RAB23: variants seen among roughly 807,000 people sequenced by gnomAD.
RAB23 encodes the protein RAB23, member RAS oncogene family.
A neutral mutation model predicts 30.0 loss-of-function variants in RAB23; 15 were observed. The observed-to-expected ratio is 0.50, with a 90% CI of 0.33 to 0.77. RAB23 has a LOEUF of 0.77. Among genes scored for constraint, RAB23 ranks in the 30% least tolerant of loss-of-function variants. The pLI is 0.02. For synonymous variants in RAB23, 93 were observed against 94.0 expected (o/e 0.99, Z 0.06); for missense variants, 243 against 275.4 (o/e 0.88, Z 0.83).
Position 57,190,524 on chromosome 6 carries a change from A to G in RAB23, c.651T>C (p.Leu217=). ...GTLNGGDVIN[L]RPNKQRTKKN... ...TCTTGGTCCTTTGTTTGTTGGGTCT[A>G]AGATTGATGACATCTCCACCATTGA... is the stretch of plus-strand genomic sequence containing the variant. Residue 217 remains leucine, a synonymous_variant, in exon 7 of 7, where the codon CTT becomes CTC. Coordinates refer to ENST00000468148, the MANE Select transcript of RAB23 (RefSeq NM_016277.5). 1 of 1,614,044 alleles carries G rather than the reference A, an allele frequency of 6.2e-7. No individual in the cohort carries two copies. The highest frequency in any genetic ancestry group is 8.5e-7 in the Non-Finnish European group (1 of 1,179,906).
chr6:57,196,329 A>G, intron 4 of RAB23, 121 bp downstream of exon 4: 1 of 1,188,750 alleles, frequency 8.4e-7, no homozygotes, highest in Non-Finnish European at 1.2e-6. Context: ...TATTTAAGTC[A>G]TTAAAGCCTT....
At chr6:57,194,364 A>C (rs1005213894) in intron 5 of RAB23, among the ~76,000 whole-genome samples, 1 of 152,076 alleles carries the variant, frequency 6.6e-6, no homozygotes, top group Non-Finnish European at 1.5e-5. Flanking sequence ...TTCTAATTTC[A>C]CTTTCTTAAA....
Position 57,194,843 on chromosome 6 carries a change from A to G in RAB23, c.408T>C (p.Ala136=), listed in dbSNP as rs757223201. 1 of 1,613,080 alleles carries G rather than the reference A, an allele frequency of 6.2e-7. No homozygotes were observed. Among genetic ancestry groups the G allele is most frequent in the South Asian group, 1.1e-5 (1 of 91,022 alleles). ...LDDSCIKNEE[A]EALAKRLKLR... Reference sequence around the variant, plus strand: ...ACTTTAACCTTTTTGCCAGTGCCTCAGCTTCCTCACTGCACATCAATTTAA... The same window carrying G: ...ACTTTAACCTTTTTGCCAGTGCCTCGGCTTCCTCACTGCACATCAATTTAA... Residue 136 remains alanine (A), a synonymous_variant, in exon 5 of 7, where the codon GCT becomes GCC. Transcript: ENST00000468148.
At chr6:57,206,032 G>A (rs2128002106) in intron 3 of RAB23, among the ~76,000 whole-genome samples, 1 of 152,290 alleles carries the variant, frequency 6.6e-6, no homozygotes, top group South Asian at 2.1e-4. Context: ...TACTCATTAA[G>A]GTTATGTGAT....
In RAB23 at chr6:57,190,509, T is replaced by C. The variant is rs1457431181; in HGVS notation, c.666A>G (p.Gln222=). The C allele has an allele frequency of 1.2e-6, 2 of 1,613,958 alleles. No individual in the cohort carries two copies. Among genetic ancestry groups the C allele is most frequent in the Non-Finnish European group, 1.7e-6 (2 of 1,179,952 alleles). Residue 222 remains glutamine (Q), a synonymous_variant, in exon 7 of 7, where the codon CAA becomes CAG. Coordinates refer to ENST00000468148, the MANE Select transcript of RAB23 (RefSeq NM_016277.5). ...GDVINLRPNK[Q]RTKKNRNPFS... ...AAGGATTTCTGTTTTTCTTGGTCCT[T>C]TGTTTGTTGGGTCTAAGATTGATGA...
chr6:57,221,316 T>C (rs1214354694), intron 1 of RAB23: 1 of 152,246 alleles, frequency 6.6e-6, no homozygotes, highest in African/African-American at 2.4e-5. Flanking sequence ...ATGAAGTTCT[T>C]ACTCTCACAC....
rs1764670497 is a variant in RAB23 at position 57,187,930 on chromosome 6, T to TAACTA, written c.*2526_*2530dup. The TAACTA allele has an allele frequency of 6.6e-6, 1 of 152,020 alleles. No homozygotes were observed. The highest frequency in any genetic ancestry group is 2.4e-5 in the African/African-American group (1 of 41,438). The allele number at this position is 152,020 out of a possible 1,614,324, so 9.4% of individuals were successfully genotyped here. ...GGAAATCATTTAACCTGGTTTTATTTAACTATATTGCCTTATATGGGTCAT... is the reference window on the plus strand; with the variant it reads ...GGAAATCATTTAACCTGGTTTTATTTAACTAAACTATATTGCCTTATATGGGTCAT... On this transcript the variant is annotated 3_prime_UTR_variant, in exon 7 of 7. Coordinates refer to ENST00000468148, the MANE Select transcript of RAB23 (RefSeq NM_016277.5).
intron 5 of RAB23, 44 bp from the exon 6 acceptor site, chr6:57,193,978 G>A: frequency 1.3e-6 from 2 of 1,587,584 alleles, no homozygotes; most frequent in South Asian, 2.3e-5. Flanking sequence ...AATGATTTAT[G>A]CATGTAAATC....
At chr6:57,208,938 C>T (rs891803246) in intron 2 of RAB23, among the ~76,000 whole-genome samples, 8 of 152,100 alleles carry the variant, frequency 5.3e-5, no homozygotes, top group Admixed American at 2.6e-4. Flanking sequence ...ACTGAATTCA[C>T]GACCAACAGC....
chr6:57,207,860 G>A, intron 2 of RAB23, 147 bp from the exon 3 acceptor site: 4 of 617,378 alleles, frequency 6.5e-6, no homozygotes, highest in Non-Finnish European at 1.1e-5. Context: ...TAAACCTACT[G>A]GGGGTTACAT....
chr6:57,188,054 C>CAA lies in RAB23; in HGVS notation c.*2405_*2406dup, dbSNP rs1472932709. The CAA allele has an allele frequency of 6.6e-6, 1 of 151,996 alleles. No homozygotes were observed. Among genetic ancestry groups the CAA allele is most frequent in the African/African-American group, 2.4e-5 (1 of 41,374 alleles). 9.4% of individuals were successfully genotyped at this position (151,996 alleles called of 1,614,324 possible). On this transcript the variant is annotated 3_prime_UTR_variant, in exon 7 of 7. Coordinates refer to ENST00000468148, the MANE Select transcript of RAB23 (RefSeq NM_016277.5). ...GTTATTCCACAGCGATATGTCTACG[C>CAA]AAAAGATTAGCCGTAATGTTAAAAA...
chr6:57,216,969 T>C (rs1765864908), intron 1 of RAB23, among the ~76,000 whole-genome samples: 1 of 152,220 alleles, frequency 6.6e-6, no homozygotes, highest in Non-Finnish European at 1.5e-5. Context: ...CCAGCTTCTT[T>C]ACTGCATCCT....
chr6:57,221,230 G>A (rs375026567), intron 1 of RAB23: 1 of 152,214 alleles, frequency 6.6e-6, no homozygotes, highest in East Asian at 1.9e-4. Context: ...TTACCTAGAT[G>A]TTAGGAGATA....
chr6:57,210,579 A>G, intron 1 of RAB23, 134 bp from the exon 2 acceptor site: 1 of 634,266 alleles, frequency 1.6e-6, no homozygotes, highest in Non-Finnish European at 2.7e-6. Flanking sequence ...CTCTCTTTAG[A>G]TAATGTAAAC....
chr6:57,220,252 C>T (rs1278120055), intron 1 of RAB23, among the ~76,000 whole-genome samples: 1 of 152,044 alleles, frequency 6.6e-6, no homozygotes, highest in Non-Finnish European at 1.5e-5. Flanking sequence ...AAAACTGACA[C>T]TATCAAATGC....
At position 57,189,488 on chromosome 6, in the gene RAB23, G is replaced by A. The variant is rs1764748419; in HGVS notation, c.*973C>T. 1.3e-5 allele frequency: 2 copies of A among 152,192 alleles called. No homozygotes were observed. Among genetic ancestry groups the A allele is most frequent in the Admixed American group, 1.3e-4 (2 of 15,278 alleles). The allele number at this position is 152,192 out of a possible 1,614,324, so 9.4% of individuals were successfully genotyped here. A position where few individuals can be genotyped will look rare whatever the true frequency, so the allele number is the denominator to read the frequency against. On this transcript the variant is annotated 3_prime_UTR_variant, in exon 7 of 7. Coordinates refer to ENST00000468148, the MANE Select transcript of RAB23 (RefSeq NM_016277.5). The stretch of plus-strand genomic sequence containing the variant: ...ATCACCACACTTCACAGGACCTCCT[G>A]AATGACTGCAGATGTGCTGTGTACC...
intron 3 of RAB23, among the ~76,000 whole-genome samples, chr6:57,204,457 T>C (rs1562655220): frequency 6.6e-6 from 1 of 152,214 alleles, no homozygotes; most frequent in Non-Finnish European, 1.5e-5. Context: ...TACATAACTA[T>C]TATTTCAGTT....
chr6:57,194,790 T>G lies in RAB23; in HGVS notation c.461A>C (p.Glu154Ala). ...KLRFYRTSVKEDLNVNEVFKY... is the reference protein window; with the variant it reads ...KLRFYRTSVKADLNVNEVFKY... The stretch of plus-strand genomic sequence containing the variant: ...TTTACCTTCATTCACATTTAGATCT[T>G]CTTTCACTGATGTTCTGTAGAATCT... The change falls in exon 5 of 7, where the codon GAA becomes GCA. Residue 154 changes from glutamate to alanine, a missense_variant. Physicochemically the swap from Glu to Ala is moderately radical, Grantham distance 107. Coordinates refer to ENST00000468148, the MANE Select transcript of RAB23 (RefSeq NM_016277.5). The G allele has an allele frequency of 1.2e-6, 2 of 1,612,962 alleles. No individual in the cohort carries two copies. Among genetic ancestry groups the G allele is most frequent in the Non-Finnish European group, 1.7e-6 (2 of 1,179,144 alleles).
At chr6:57,191,496 C>T (rs1764839681) in intron 6 of RAB23, among the ~76,000 whole-genome samples, 1 of 152,200 alleles carries the variant, frequency 6.6e-6, no homozygotes, top group Non-Finnish European at 1.5e-5. Flanking sequence ...TGTCGCCAGG[C>T]TGGAGTGCAG....
Sources: gnomAD v4.1 joint callset for allele counts (sites outside exome capture counted in the v4.1 genomes callset) on GRCh38, gnomAD v4.1.1 for gene constraint, MANE v1.5 for transcripts, NCBI Gene and HGNC (gene_info 2026-07-23, HGNC 2026-07-21) for gene names.